The following ANKFN1 variants were observed in gnomAD, a reference collection of about 807,000 sequenced individuals.
The protein encoded by ANKFN1 is ankyrin repeat and fibronectin type-III domain-containing protein 1.
A neutral mutation model predicts 108.7 loss-of-function variants in ANKFN1; 74 were observed. That is an observed-to-expected ratio of 0.68 (90% CI 0.56 to 0.83). ANKFN1 has a LOEUF of 0.83. Among genes scored for constraint, ANKFN1 ranks in the 40% least tolerant of loss-of-function variants. The pLI, the probability that ANKFN1 is intolerant of heterozygous loss-of-function variation, is 0.00. For missense variants in ANKFN1, 1,505 were observed against 1,382.3 expected, an observed-to-expected ratio of 1.09 and a Z score of -1.41; for synonymous variants, 547 against 516.2, an observed-to-expected ratio of 1.06 and a Z score of -0.81.
chr17:56,414,583 A>G (rs996683893), intron 8 of ANKFN1, among the ~76,000 whole-genome samples: 5 of 152,220 alleles, frequency 3.3e-5, no homozygotes, highest in Non-Finnish European at 5.9e-5. Flanking sequence ...ATGTGGAGAG[A>G]TAACACAGAG....
intron 4 of ANKFN1, among the ~76,000 whole-genome samples, chr17:56,085,180 C>T (rs1228348386): frequency 7.3e-6 from 1 of 137,718 alleles, no homozygotes; most frequent in African/African-American, 2.8e-5. Flanking sequence ...CCCTCCAAAG[C>T]ATATATATAT....
At chr17:56,453,064 TC>T (rs1347272424) in intron 11 of ANKFN1, among the ~76,000 whole-genome samples, 1 of 152,178 alleles carries the variant, frequency 6.6e-6, no homozygotes, top group Non-Finnish European at 1.5e-5. Flanking sequence ...TCCATTTTTT[TC>T]CTCCCCAAAG....
chr17:56,061,809 T>C (rs1347996147), intron 4 of ANKFN1, among the ~76,000 whole-genome samples: 1 of 152,208 alleles, frequency 6.6e-6, no homozygotes, highest in Non-Finnish European at 1.5e-5. Context: ...CTTGCCTCTC[T>C]AGCTCTTAGA....
chr17:56,167,471 C>T (rs1175128492), intron 1 of ANKFN1, among the ~76,000 whole-genome samples: 1 of 151,878 alleles, frequency 6.6e-6, no homozygotes, highest in Non-Finnish European at 1.5e-5. Context: ...ATTATGAAAG[C>T]TGGCATGGTG....
At chr17:56,503,528 T>TATAG (rs2051450944) in intron 20 of ANKFN1, among the ~76,000 whole-genome samples, 1 of 121,428 alleles carries the variant, frequency 8.2e-6, no homozygotes, top group African/African-American at 2.9e-5. Flanking sequence ...TATATATATA[T>TATAG]AGACAGTGGT....
intron 4 of ANKFN1, among the ~76,000 whole-genome samples, chr17:56,124,068 C>G (rs1906783466): frequency 1.3e-5 from 2 of 152,058 alleles, no homozygotes; most frequent in South Asian, 4.2e-4. Context: ...TAATCTAGGC[C>G]TGTATTTAAC....
At chr17:56,456,809 G>A in intron 11 of ANKFN1, 52 bp from the exon 12 acceptor site, 2 of 1,435,524 alleles carry the variant, frequency 1.4e-6, no homozygotes, top group South Asian at 2.3e-5. Context: ...GGAATTGGGG[G>A]TGTTGATCTG....
intron 3 of ANKFN1, among the ~76,000 whole-genome samples, chr17:56,276,704 T>C (rs1207258949): frequency 1.3e-5 from 2 of 152,172 alleles, no homozygotes; most frequent in East Asian, 3.8e-4. Context: ...GGGTTGTTTG[T>C]TTTTTTCTTG....
intron 8 of ANKFN1, among the ~76,000 whole-genome samples, chr17:56,423,161 C>A (rs2048462734): frequency 6.6e-6 from 1 of 152,226 alleles, no homozygotes. Flanking sequence ...GTTATTTGTT[C>A]AGTGTTGATA....
chr17:56,385,801 C>A (rs2047247294), intron 8 of ANKFN1, among the ~76,000 whole-genome samples: 1 of 152,104 alleles, frequency 6.6e-6, no homozygotes, highest in African/African-American at 2.4e-5. Context: ...GAATGGCAAT[C>A]ATTAAAAAGT....
intron 3 of ANKFN1, among the ~76,000 whole-genome samples, chr17:56,260,312 C>T (rs2043475364): frequency 6.6e-6 from 1 of 152,112 alleles, no homozygotes; most frequent in South Asian, 2.1e-4. Flanking sequence ...TTAAAATGCA[C>T]AAGATTTTTA....
intron 3 of ANKFN1, among the ~76,000 whole-genome samples, chr17:56,319,446 T>C (rs534235786): frequency 6.6e-6 from 1 of 152,322 alleles, no homozygotes; most frequent in African/African-American, 2.4e-5. Flanking sequence ...TGGCTTTGAA[T>C]CACCAATAAA....
At chr17:56,404,143 G>A (rs1167830793) in intron 8 of ANKFN1, among the ~76,000 whole-genome samples, 1 of 152,084 alleles carries the variant, frequency 6.6e-6, no homozygotes, top group East Asian at 1.9e-4. Context: ...ATGTGCCTAG[G>A]TGATGATCTT....
intron 8 of ANKFN1, among the ~76,000 whole-genome samples, chr17:56,408,535 GCAAT>G (rs2047991451): frequency 1.3e-5 from 2 of 152,068 alleles, no homozygotes; most frequent in African/African-American, 2.4e-5. Flanking sequence ...TGAAGAAAGA[GCAAT>G]CAGATTCTTC....
At chr17:56,251,591 G>C (rs1442866523) in intron 3 of ANKFN1, among the ~76,000 whole-genome samples, 1 of 152,094 alleles carries the variant, frequency 6.6e-6, no homozygotes, top group Non-Finnish European at 1.5e-5. Context: ...TACTCAAAAG[G>C]TTTGTCCCCA....
intron 2 of ANKFN1, among the ~76,000 whole-genome samples, chr17:56,226,855 T>C (rs1457869786): frequency 6.6e-6 from 1 of 152,154 alleles, no homozygotes; most frequent in African/African-American, 2.4e-5. Flanking sequence ...AACTATTTTA[T>C]ATATATTATT....
intron 1 of ANKFN1, among the ~76,000 whole-genome samples, chr17:56,155,054 A>G (rs1345221635): frequency 6.6e-6 from 1 of 152,078 alleles, no homozygotes; most frequent in African/African-American, 2.4e-5. Flanking sequence ...ACCCTGGGGG[A>G]TAGGAGGGTT....
At chr17:56,490,633 G>C (rs1244073941) in intron 18 of ANKFN1, among the ~76,000 whole-genome samples, 3 of 152,046 alleles carry the variant, frequency 2.0e-5, no homozygotes, top group Non-Finnish European at 4.4e-5. Flanking sequence ...ATGAGAATTC[G>C]ATCATTTGGG....
chr17:56,231,023 C>G (rs1274034989), intron 3 of ANKFN1, among the ~76,000 whole-genome samples: 1 of 152,084 alleles, frequency 6.6e-6, no homozygotes, highest in Non-Finnish European at 1.5e-5. Context: ...GAAGAAACAA[C>G]TTTTAATAAA....
Sources: allele counts gnomAD v4.1 joint callset (sites outside exome capture counted in the v4.1 genomes callset), GRCh38; gene constraint gnomAD v4.1.1; transcripts MANE v1.5; gene names NCBI Gene and HGNC (gene_info 2026-07-23, HGNC 2026-07-21).